Variants in OPCML observed in about 807,000 individuals in gnomAD.
OPCML encodes the protein opioid-binding protein/cell adhesion molecule.
In OPCML, 13 loss-of-function variants were observed where a neutral mutation model predicts 37.8. That is an observed-to-expected ratio of 0.34 (90% CI 0.22 to 0.55). The LOEUF is 0.55. Ranked by LOEUF, OPCML falls within the 20% of genes least tolerant of loss-of-function variation. OPCML has a pLI of 0.91. For missense variants in OPCML, 341 were observed against 435.6 expected (o/e 0.78, Z 1.93); for synonymous variants, 176 against 168.8 (o/e 1.04, Z -0.33).
intron 1 of OPCML, among the ~76,000 whole-genome samples, chr11:133,163,686 C>T (rs1234953566): frequency 6.6e-6 from 1 of 152,160 alleles, no homozygotes; most frequent in African/African-American, 2.4e-5. Flanking sequence ...GTGAGTGTTG[C>T]AGGAAGGACT....
chr11:133,334,902 A>G (rs1333629707), intron 1 of OPCML, among the ~76,000 whole-genome samples: 1 of 152,184 alleles, frequency 6.6e-6, no homozygotes, highest in Non-Finnish European at 1.5e-5. Context: ...GAATAAGCCC[A>G]TTGATGATGT....
At chr11:132,805,939 CAT>C (rs1381911976) in intron 2 of OPCML, among the ~76,000 whole-genome samples, 1 of 151,948 alleles carries the variant, frequency 6.6e-6, no homozygotes, top group African/African-American at 2.4e-5. Flanking sequence ...GAATTCAAAA[CAT>C]ATGAAAATGC....
intron 2 of OPCML, among the ~76,000 whole-genome samples, chr11:132,793,599 T>G (rs756826615): frequency 6.6e-6 from 1 of 152,182 alleles, no homozygotes; most frequent in South Asian, 2.1e-4. Flanking sequence ...GGGTGTCTAA[T>G]GCTCTTTGGA....
At chr11:133,198,701 T>C (rs988812866) in intron 1 of OPCML, among the ~76,000 whole-genome samples, 4 of 152,208 alleles carry the variant, frequency 2.6e-5, no homozygotes, top group Admixed American at 6.5e-5. Flanking sequence ...GGGAGTGTGA[T>C]GGGATGAGGC....
At chr11:133,077,821 C>T (rs1200882233) in intron 1 of OPCML, among the ~76,000 whole-genome samples, 1 of 152,032 alleles carries the variant, frequency 6.6e-6, no homozygotes, top group African/African-American at 2.4e-5. Flanking sequence ...TGCAAATGCC[C>T]ATCTACCGGC....
At chr11:133,016,047 C>G (rs978516762) in intron 1 of OPCML, among the ~76,000 whole-genome samples, 1 of 152,180 alleles carries the variant, frequency 6.6e-6, no homozygotes, top group South Asian at 2.1e-4. Flanking sequence ...CTCAGCCTCT[C>G]TTGTTTGTGA....
chr11:132,715,832 T>C (rs1944454175), intron 2 of OPCML, among the ~76,000 whole-genome samples: 1 of 152,250 alleles, frequency 6.6e-6, no homozygotes, highest in African/African-American at 2.4e-5. Context: ...CATTTTCTCA[T>C]CTAGTCTACT....
At chr11:132,615,759 T>C (rs978811573) in intron 3 of OPCML, among the ~76,000 whole-genome samples, 1 of 152,176 alleles carries the variant, frequency 6.6e-6, no homozygotes, top group Non-Finnish European at 1.5e-5. Flanking sequence ...ACATGCGAAC[T>C]ACTTAGTAAA....
intron 1 of OPCML, among the ~76,000 whole-genome samples, chr11:133,483,795 T>TGATA (rs61121084): frequency 0.28 from 36,768 of 132,178 alleles, 5,446 homozygotes; most frequent in Middle Eastern, 0.38. Context: ...GATACATAGA[T>TGATA]GATAGATAGA....
At position 133,205,212 on chromosome 11, in the gene OPCML, A is replaced by G. The variant is rs1390787122; in HGVS notation, c.62-262202T>C. Among the ~76,000 whole-genome samples, 1 of 152,060 alleles carries G rather than the reference A, an allele frequency of 6.6e-6. No individual in the cohort carries two copies. The highest frequency in any genetic ancestry group is 1.5e-5 in the Non-Finnish European group (1 of 68,022). ...TAATGAAGCTTTGATAAAAAACCCA[A>G]AAGGCAGGGTTTGAAGAGCTTCTGG... is the stretch of plus-strand genomic sequence containing the variant. On this transcript the variant is annotated intron_variant, in intron 1 of 7. Coordinates refer to ENST00000524381, the MANE Select transcript of OPCML (RefSeq NM_001012393.5). This position sits in a 1 kb window ranked among gnomAD's most constrained non-coding sequence, Gnocchi z 4.8.
rs1280351007 is a variant in OPCML, at chr11:133,116,805, C to CATACATATATAT, written c.62-173796_62-173795insATATATATGTAT. Among the ~76,000 whole-genome samples, 69 of 144,168 alleles carry CATACATATATAT rather than the reference C, an allele frequency of 4.8e-4. 1 individual carries two copies. Among genetic ancestry groups the CATACATATATAT allele is most frequent in the East Asian group, 1.0e-3 (5 of 4,776 alleles). 94.6% of individuals were successfully genotyped at this position (144,168 alleles called of 152,430 possible). On this transcript the variant is annotated intron_variant, in intron 1 of 7. Transcript: ENST00000524381. ...TGTGGGAAGATATTTTAAAACTATA[C>CATACATATATAT]ATATATATATATGTATGTATCTTGT...
chr11:132,692,109 G>A (rs1022484429), intron 2 of OPCML, among the ~76,000 whole-genome samples: 2 of 152,122 alleles, frequency 1.3e-5, no homozygotes, highest in African/African-American at 4.8e-5. Flanking sequence ...ATCAAAAGCA[G>A]CAGAAGAAAA....
chr11:132,453,910 G>A (rs769399602), intron 4 of OPCML, among the ~76,000 whole-genome samples: 8 of 152,332 alleles, frequency 5.3e-5, no homozygotes, highest in Non-Finnish European at 1.0e-4. Context: ...CATTGCTGAT[G>A]ACTCTTGGCT....
At chr11:132,914,724 G>A (rs184068680) in intron 2 of OPCML, among the ~76,000 whole-genome samples, 2 of 152,320 alleles carry the variant, frequency 1.3e-5, no homozygotes, top group East Asian at 1.9e-4. Context: ...AGCAGCCACT[G>A]AGTCATGAAC....
chr11:132,670,731 CTA>C (rs1364858743), intron 2 of OPCML, among the ~76,000 whole-genome samples: 2 of 152,016 alleles, frequency 1.3e-5, no homozygotes, highest in Non-Finnish European at 2.9e-5. Flanking sequence ...TCCAAAGAAA[CTA>C]TTTTTTTTTA....
At chr11:133,326,290 T>G (rs1275674484) in intron 1 of OPCML, among the ~76,000 whole-genome samples, 23 of 59,774 alleles carry the variant, frequency 3.8e-4, no homozygotes, top group African/African-American at 2.3e-3. Flanking sequence ...GGGGTGTGGG[T>G]GTGTGTGGGG....
At chr11:133,522,436 G>C in intron 1 of OPCML, among the ~76,000 whole-genome samples, 1 of 152,152 alleles carries the variant, frequency 6.6e-6, no homozygotes, top group Non-Finnish European at 1.5e-5. Flanking sequence ...TCATTACAAA[G>C]GTCATTCGAA....
intron 7 of OPCML, among the ~76,000 whole-genome samples, chr11:132,430,392 C>T (rs1264361178): frequency 1.3e-5 from 2 of 152,170 alleles, no homozygotes; most frequent in Non-Finnish European, 2.9e-5. Flanking sequence ...CAGATGAGAG[C>T]CGCTGCCTGG....
intron 1 of OPCML, among the ~76,000 whole-genome samples, chr11:133,190,749 G>A (rs973264047): frequency 1.3e-5 from 2 of 152,010 alleles, no homozygotes; most frequent in Admixed American, 6.6e-5. Context: ...GGTCTTTTGC[G>A]ACTAGCTTCT....
Sources: gnomAD v4.1 joint callset for allele counts (sites outside exome capture counted in the v4.1 genomes callset) on GRCh38, gnomAD v4.1.1 for gene constraint, Gnocchi (gnomAD v3.1) non-coding constraint, MANE v1.5 for transcripts, NCBI Gene and HGNC (gene_info 2026-07-23, HGNC 2026-07-21) for gene names.